GALNT17: variants seen among roughly 807,000 people sequenced by gnomAD.
GALNT17 encodes polypeptide N-acetylgalactosaminyltransferase 17.
In GALNT17, 29 loss-of-function variants were observed where a neutral mutation model predicts 63.7. The observed-to-expected ratio is 0.46, with a 90% CI of 0.34 to 0.62. The LOEUF is 0.62. Ranked by LOEUF, GALNT17 falls within the 20% of genes least tolerant of loss-of-function variation. The pLI, the probability that GALNT17 is intolerant of heterozygous loss-of-function variation, is 0.01. For synonymous variants in GALNT17, 305 were observed against 318.3 expected, an observed-to-expected ratio of 0.96 and a Z score of 0.45; for missense variants, 603 against 799.6, an observed-to-expected ratio of 0.75 and a Z score of 2.97.
intron 1 of GALNT17, chr7:71,284,066 G>C (rs1199998770): frequency 6.6e-6 from 1 of 152,086 alleles, no homozygotes; most frequent in Non-Finnish European, 1.5e-5. Context: ...AACCGGCTCT[G>C]GTTCTTTTCG....
chr7:71,372,817 C>A (rs1318930196), intron 2 of GALNT17, among the ~76,000 whole-genome samples: 1 of 152,106 alleles, frequency 6.6e-6, no homozygotes, highest in African/African-American at 2.4e-5. Context: ...TACAACGATG[C>A]TTTGGTCATC....
chr7:71,598,953 G>A (rs1584080301), intron 6 of GALNT17, among the ~76,000 whole-genome samples: 1 of 152,160 alleles, frequency 6.6e-6, no homozygotes, highest in African/African-American at 2.4e-5. Context: ...CTTGAAAGTG[G>A]AAGAAGATAG....
At chr7:71,617,611 G>T (rs1790232256) in intron 6 of GALNT17, among the ~76,000 whole-genome samples, 1 of 128,070 alleles carries the variant, frequency 7.8e-6, no homozygotes, top group Non-Finnish European at 1.7e-5. Flanking sequence ...TGAGCAACTG[G>T]CTGCTTTTGT....
At chr7:71,421,321 A>G (rs1786660507) in intron 5 of GALNT17, among the ~76,000 whole-genome samples, 1 of 152,152 alleles carries the variant, frequency 6.6e-6, no homozygotes, top group African/African-American at 2.4e-5. Flanking sequence ...CAGCTTTCCA[A>G]CAGCGATACT....
intron 6 of GALNT17, among the ~76,000 whole-genome samples, chr7:71,647,116 G>A (rs1200126683): frequency 6.6e-6 from 1 of 151,756 alleles, no homozygotes; most frequent in Non-Finnish European, 1.5e-5. Context: ...CCAGGCTGGA[G>A]TGCAGTGGTG....
chr7:71,281,878 T>C lies in GALNT17; in HGVS notation c.239-53672T>C, dbSNP rs140199050. ...GAAATAGAAAAAGTGACCCATAGAT[T>C]TCAGGTTAGTGTCGTGGGATGAAGA... On this transcript the variant is annotated intron_variant, in intron 1 of 10. Transcript: ENST00000333538. Among the ~76,000 whole-genome samples, 709 of 152,322 alleles carry C rather than the reference T, an allele frequency of 4.7e-3. 6 individuals are homozygous for C. Among genetic ancestry groups the C allele is most frequent in the African/African-American group, 0.016 (650 of 41,566 alleles).
At chr7:71,642,295 G>T (rs539881712) in intron 6 of GALNT17, among the ~76,000 whole-genome samples, 19 of 152,166 alleles carry the variant, frequency 1.2e-4, no homozygotes, top group Non-Finnish European at 2.8e-4. Flanking sequence ...TTGCAGGCTT[G>T]TAAAAATGAA....
rs1328666174 is a variant in GALNT17, at chr7:71,539,877, C to G, written c.963-31408C>G. The stretch of plus-strand genomic sequence containing the variant: ...TACTATGGTAGCACAAGTAGGTACT[C>G]CAGACTTCCAAGTAGCTGGAACTTT... On this transcript the variant is annotated intron_variant, in intron 5 of 10. Coordinates refer to ENST00000333538, the MANE Select transcript of GALNT17 (RefSeq NM_022479.3). 1.3e-5 allele frequency among the ~76,000 whole-genome samples: 2 copies of G among 151,276 alleles called. 1 individual carries two copies. Among genetic ancestry groups the G allele is most frequent in the East Asian group, 3.9e-4 (2 of 5,106 alleles).
At chr7:71,527,542 C>G (rs1788645091) in intron 5 of GALNT17, among the ~76,000 whole-genome samples, 1 of 152,162 alleles carries the variant, frequency 6.6e-6, no homozygotes, top group African/African-American at 2.4e-5. Flanking sequence ...ACGGAAGGCT[C>G]ACTTCACTCT....
At chr7:71,156,864 T>C (rs1788246589) in intron 1 of GALNT17, among the ~76,000 whole-genome samples, 1 of 151,654 alleles carries the variant, frequency 6.6e-6, no homozygotes, top group Non-Finnish European at 1.5e-5. Context: ...GGATTACAGG[T>C]GTAAACCACT....
intron 5 of GALNT17, among the ~76,000 whole-genome samples, chr7:71,549,010 G>A (rs1239617202): frequency 6.6e-6 from 1 of 152,184 alleles, no homozygotes; most frequent in Non-Finnish European, 1.5e-5. Flanking sequence ...GCCTCTGGGG[G>A]TTATGGATAG....
chr7:71,687,951 G>A (rs1791386909), intron 9 of GALNT17, among the ~76,000 whole-genome samples: 2 of 152,006 alleles, frequency 1.3e-5, no homozygotes, highest in South Asian at 4.2e-4. Context: ...TCCCCCCTCA[G>A]CCTCCCAAAG....
At position 71,674,598 on chromosome 7, in the gene GALNT17, C is replaced by T. The variant is rs907766721; in HGVS notation, c.1405-2613C>T. Among the ~76,000 whole-genome samples the T allele has an allele frequency of 2.6e-5, 4 of 152,126 alleles. No homozygotes were observed. In the East Asian group the frequency reaches 7.7e-4, roughly 29 times the overall value. ...TGGCGCAATCTCAGCTCACTGTAGC[C>T]TTAAACTCCTAGACTGAAGCCACCC... On this transcript the variant is annotated intron_variant, in intron 8 of 10. Transcript: ENST00000333538.
At chr7:71,423,217 G>A (rs535255482) in intron 5 of GALNT17, among the ~76,000 whole-genome samples, 1 of 152,218 alleles carries the variant, frequency 6.6e-6, no homozygotes, top group Non-Finnish European at 1.5e-5. Flanking sequence ...GCACAGGCCC[G>A]AGGGTGGAGC....
chr7:71,647,299 C>T (rs1217602487), intron 6 of GALNT17, among the ~76,000 whole-genome samples: 2 of 150,620 alleles, frequency 1.3e-5, no homozygotes, highest in Non-Finnish European at 2.9e-5. Context: ...AAACTCCTGA[C>T]TTCAAGTGAT....
intron 5 of GALNT17, among the ~76,000 whole-genome samples, chr7:71,533,986 C>G (rs565505102): frequency 6.9e-4 from 105 of 152,250 alleles, no homozygotes; most frequent in Non-Finnish European, 7.8e-4. Context: ...AATTGATTAA[C>G]AGGCAGTTGT....
At chr7:71,622,267 T>A (rs942924327) in intron 6 of GALNT17, among the ~76,000 whole-genome samples, 1 of 152,232 alleles carries the variant, frequency 6.6e-6, no homozygotes, top group Non-Finnish European at 1.5e-5. Flanking sequence ...GAGTGCCCCA[T>A]TGTATCAATC....
intron 1 of GALNT17, among the ~76,000 whole-genome samples, chr7:71,194,066 G>A (rs1789001813): frequency 6.6e-6 from 1 of 152,052 alleles, no homozygotes; most frequent in East Asian, 1.9e-4. Context: ...TTATTTTTGA[G>A]ACAGGGTCTT....
At chr7:71,614,831 G>A (rs1562710896) in intron 6 of GALNT17, among the ~76,000 whole-genome samples, 2 of 126,052 alleles carry the variant, frequency 1.6e-5, no homozygotes, top group African/African-American at 5.9e-5. Context: ...GAGAATGAAA[G>A]AAACAAAGAG....
Sources: gnomAD v4.1 joint callset for allele counts (sites outside exome capture counted in the v4.1 genomes callset) on GRCh38, gnomAD v4.1.1 for gene constraint, MANE v1.5 for transcripts, NCBI Gene and HGNC (gene_info 2026-07-23, HGNC 2026-07-21) for gene names.